Variants in BIRC6 observed in about 807,000 individuals in gnomAD.
BIRC6 encodes the protein baculoviral IAP repeat containing 6.
BIRC6 carries 98 observed loss-of-function variants against 503.3 expected under a neutral mutation model. The ratio of observed to expected loss-of-function variants is 0.19; its 90% confidence interval spans 0.17 to 0.23. The LOEUF is 0.23. Among genes scored for constraint, BIRC6 ranks in the 10% least tolerant of loss-of-function variants. The pLI is 1.00. For synonymous variants in BIRC6, 2,240 were observed against 2,078.7 expected (o/e 1.08, Z -2.11); for missense variants, 5,360 against 5,806.0 (o/e 0.92, Z 2.50).
intron 3 of BIRC6, among the ~76,000 whole-genome samples, chr2:32,384,175 T>C (rs2038106054): frequency 6.6e-6 from 1 of 152,216 alleles, no homozygotes; most frequent in Non-Finnish European, 1.5e-5. Context: ...TTATTAAATA[T>C]AATAGTGGGC....
intron 9 of BIRC6, among the ~76,000 whole-genome samples, chr2:32,408,711 T>G (rs1232058311): frequency 1.3e-5 from 2 of 152,228 alleles, no homozygotes; most frequent in Non-Finnish European, 2.9e-5. Context: ...CATGTTTACT[T>G]TAGCTAATAG....
At position 32,508,054 on chromosome 2, in the gene BIRC6, A is replaced by C. The variant is rs776635599; in HGVS notation, c.9775A>C (p.Thr3259Pro). The change falls in exon 51 of 74, where the codon ACA becomes CCA. Residue 3259 changes from threonine to proline, a missense_variant. This residue lies in a region of BIRC6 where 62 missense variants were observed against 107.4 expected (regional missense o/e 0.58). Transcript: ENST00000421745. The stretch of plus-strand genomic sequence containing the variant: ...GCTACCTTTGTCCACTCCTGTTGTC[A>C]CAAGTGGCCTCACCTACATAAAAAT... ...NMLPLSTPVV[T>P]SGLTYIKIQL... 6.2e-7 allele frequency: 1 copy of C among 1,613,906 alleles called. No homozygotes were observed.
chr2:32,442,845 T>C (rs1325459766), intron 19 of BIRC6, among the ~76,000 whole-genome samples: 2 of 152,142 alleles, frequency 1.3e-5, no homozygotes, highest in African/African-American at 4.8e-5. Context: ...GACCCTTTTT[T>C]TCTAAACCCT....
chr2:32,539,792 T>TA (rs2057517206), intron 61 of BIRC6, among the ~76,000 whole-genome samples: 1 of 151,922 alleles, frequency 6.6e-6, no homozygotes, highest in Admixed American at 6.6e-5. Flanking sequence ...AGCAAGGAAT[T>TA]ACTACAGTAA....
chr2:32,407,286 A>C (rs1425408901), intron 9 of BIRC6, among the ~76,000 whole-genome samples: 1 of 152,068 alleles, frequency 6.6e-6, no homozygotes, highest in Non-Finnish European at 1.5e-5. Context: ...TTTCTACTAA[A>C]AATAAAAAAC....
intron 57 of BIRC6, among the ~76,000 whole-genome samples, chr2:32,519,564 G>A (rs1461162001): frequency 6.6e-6 from 1 of 152,092 alleles, no homozygotes; most frequent in African/African-American, 2.4e-5. Flanking sequence ...CACCCAGGCT[G>A]AAGTGCAGTG....
At chr2:32,572,033 C>T (rs2150974233) in intron 65 of BIRC6, among the ~76,000 whole-genome samples, 1 of 152,208 alleles carries the variant, frequency 6.6e-6, no homozygotes, top group African/African-American at 2.4e-5. Flanking sequence ...GTACTGCTTC[C>T]AATGTTCCTG....
At chr2:32,375,610 G>A (rs989718224) in intron 1 of BIRC6, among the ~76,000 whole-genome samples, 25 of 152,102 alleles carry the variant, frequency 1.6e-4, no homozygotes, top group African/African-American at 3.1e-4. Flanking sequence ...TGCTTGATAC[G>A]TACCATAGAC....
chr2:32,568,041 G>T (rs2059649754), intron 65 of BIRC6, among the ~76,000 whole-genome samples: 1 of 152,194 alleles, frequency 6.6e-6, no homozygotes, highest in African/African-American at 2.4e-5. Context: ...GAACCTGGGA[G>T]GTGGAGCTTG....
In BIRC6 at chr2:32,468,070, T is replaced by G; in HGVS notation, c.5739T>G (p.His1913Gln). ...ESANQPEIDQHLAMMVALQED... is the reference protein window; with the variant it reads ...ESANQPEIDQQLAMMVALQED... ...CAAACCAGCCAGAAATTGACCAGCA[T>G]TTAGCAATGATGGTTGCTTTGCAGG... The change falls in exon 28 of 74, where the codon CAT (histidine) becomes CAG (glutamine). Residue 1913 changes from histidine to glutamine, a missense_variant. Coordinates refer to ENST00000421745, the MANE Select transcript of BIRC6 (RefSeq NM_016252.4). 6.2e-7 allele frequency: 1 copy of G among 1,613,950 alleles called. No individual in the cohort carries two copies.
chr2:32,473,104 G>A lies in BIRC6; in HGVS notation c.6593-8G>A, dbSNP rs756797255. On this transcript the variant is annotated splice_polypyrimidine_tract_variant and splice_region_variant and intron_variant, in intron 32 of 73. Coordinates refer to ENST00000421745, the MANE Select transcript of BIRC6 (RefSeq NM_016252.4). The stretch of plus-strand genomic sequence containing the variant: ...GAATTATTAATACAAGTTTTCCTTC[G>A]CCTGTAGGTAATCAGTGGAGTTTTA... 7.0e-6 allele frequency: 11 copies of A among 1,561,440 alleles called. No individual in the cohort carries two copies. Among genetic ancestry groups the A allele is most frequent in the East Asian group, 2.3e-5 (1 of 43,940 alleles).
Position 32,357,573 on chromosome 2 carries a change from A to G in BIRC6, c.325+87A>G, listed in dbSNP as rs191125788. 6.5e-3 allele frequency: 9,708 copies of G among 1,498,538 alleles called. 55 individuals are homozygous for G. Among genetic ancestry groups the G allele is most frequent in the Non-Finnish European group, 7.2e-3 (8,078 of 1,129,642 alleles). The allele number at this position is 1,498,538 out of a possible 1,614,324, so 92.8% of individuals were successfully genotyped here. On this transcript the variant is annotated intron_variant, in intron 1 of 73. Coordinates refer to ENST00000421745, the MANE Select transcript of BIRC6 (RefSeq NM_016252.4). The surrounding 1 kb of genome is among the most constrained non-coding windows in gnomAD (Gnocchi z 4.9). ...CTCGGCCTCGCGACTCGGGGAAGCG[A>G]GATGGCGAGAGGGCAGGGCTGGGGG...
chr2:32,567,865 G>C (rs2059635562), intron 65 of BIRC6, among the ~76,000 whole-genome samples: 1 of 152,216 alleles, frequency 6.6e-6, no homozygotes, highest in South Asian at 2.1e-4. Flanking sequence ...ACTTTGGGAG[G>C]TTGAGGTGGG....
intron 22 of BIRC6, among the ~76,000 whole-genome samples, chr2:32,450,483 T>G (rs1300568787): frequency 6.6e-6 from 1 of 152,142 alleles, no homozygotes; most frequent in Admixed American, 6.5e-5. Flanking sequence ...TCATGATATG[T>G]CTCCACTTTA....
chr2:32,367,936 T>G (rs2035205774), intron 1 of BIRC6, among the ~76,000 whole-genome samples: 2 of 152,120 alleles, frequency 1.3e-5, no homozygotes. Context: ...AATTTTTGAG[T>G]GGGGAAGATG....
chr2:32,527,039 C>T (rs1056961944), intron 59 of BIRC6: 4 of 152,202 alleles, frequency 2.6e-5, no homozygotes, highest in African/African-American at 4.8e-5. Flanking sequence ...GACAGCCCCT[C>T]CAGGAATTAA....
intron 61 of BIRC6, among the ~76,000 whole-genome samples, chr2:32,535,938 C>G (rs982904278): frequency 1.3e-5 from 2 of 152,156 alleles, no homozygotes; most frequent in African/African-American, 4.8e-5. Context: ...TAAAAGTGTT[C>G]CTATTTCTCC....
rs532667809 is a variant in BIRC6 at position 32,531,531 on chromosome 2, T to C, written c.12271T>C (p.Tyr4091His). ...ALIAERLPMLYPEVIQQVSAP... is the reference protein window; with the variant it reads ...ALIAERLPMLHPEVIQQVSAP... Reference sequence around the variant, plus strand: ...TATTGCTGAAAGACTACCCATGCTATATCCAGAAGTAATTCAACAGGTAAG... The same window carrying C: ...TATTGCTGAAAGACTACCCATGCTACATCCAGAAGTAATTCAACAGGTAAG... The change falls in exon 61 of 74, where the codon TAT becomes CAT. Residue 4091 changes from tyrosine to histidine, a missense_variant. This residue lies in a region of BIRC6 where 878 missense variants were observed against 928.9 expected (regional missense o/e 0.95). Transcript: ENST00000421745. 6.2e-7 allele frequency: 1 copy of C among 1,612,168 alleles called. No individual in the cohort carries two copies. The highest frequency in any genetic ancestry group is 1.1e-5 in the South Asian group (1 of 90,742).
chr2:32,465,909 T>C (rs1303881881), intron 26 of BIRC6, among the ~76,000 whole-genome samples: 1 of 141,192 alleles, frequency 7.1e-6, no homozygotes, highest in Non-Finnish European at 1.6e-5. Context: ...TCTTACAGTA[T>C]TTTCTGCCCA....
Sources: allele counts gnomAD v4.1 joint callset (sites outside exome capture counted in the v4.1 genomes callset), GRCh38; gene constraint gnomAD v4.1.1; regional missense constraint gnomAD v4.1.1; non-coding constraint Gnocchi (gnomAD v3.1); transcripts MANE v1.5; gene names NCBI Gene and HGNC (gene_info 2026-07-23, HGNC 2026-07-21).